Variants in UHRF2 observed in about 807,000 individuals in gnomAD.
UHRF2 encodes E3 ubiquitin-protein ligase UHRF2.
Under a neutral mutation model 96.8 loss-of-function variants are expected in UHRF2, and 23 were observed. The ratio of observed to expected loss-of-function variants is 0.24; its 90% CI spans 0.17 to 0.34. The LOEUF is 0.34. Ranked by LOEUF, UHRF2 falls within the 10% of genes least tolerant of loss-of-function variation. The pLI, the probability that UHRF2 is intolerant of heterozygous loss-of-function variation, is 1.00. For synonymous variants in UHRF2, 385 were observed against 332.6 expected (o/e 1.16, Z -1.72); for missense variants, 685 against 981.5 (o/e 0.70, Z 4.04).
intron 1 of UHRF2, among the ~76,000 whole-genome samples, chr9:6,419,808 A>G (rs1359098843): frequency 5.9e-5 from 9 of 152,030 alleles, no homozygotes; most frequent in South Asian, 2.1e-4. Context: ...TAGCATGATC[A>G]TGGCTTACTG....
At chr9:6,414,467 G>A (rs751504250) in intron 1 of UHRF2, among the ~76,000 whole-genome samples, 2 of 152,218 alleles carry the variant, frequency 1.3e-5, no homozygotes, top group Non-Finnish European at 2.9e-5. Context: ...CTTGAAGGCT[G>A]TCTGTGGGCA....
At chr9:6,469,733 C>T (rs559173740) in intron 4 of UHRF2, among the ~76,000 whole-genome samples, 7 of 146,528 alleles carry the variant, frequency 4.8e-5, no homozygotes, top group South Asian at 4.3e-4. Context: ...TGCATATATA[C>T]GTGTATATAT....
chr9:6,497,710 T>C (rs544930797), intron 11 of UHRF2, among the ~76,000 whole-genome samples: 1 of 152,290 alleles, frequency 6.6e-6, no homozygotes, highest in African/African-American at 2.4e-5. Context: ...CAGCACATCA[T>C]AGTAATAGAT....
intron 14 of UHRF2, among the ~76,000 whole-genome samples, chr9:6,501,492 CAG>C (rs1368812605): frequency 6.6e-6 from 1 of 152,186 alleles, no homozygotes; most frequent in African/African-American, 2.4e-5. Flanking sequence ...AAAAACTCTA[CAG>C]AGTTTCCTTT....
intron 8 of UHRF2, chr9:6,484,633 A>G (rs1824152814): frequency 6.9e-6 from 1 of 144,552 alleles, no homozygotes; most frequent in Admixed American, 6.9e-5. Flanking sequence ...ACTGATCTTG[A>G]ATCCCTGGGG....
chr9:6,499,532 C>G (rs1297392254), intron 12 of UHRF2: 2 of 178,726 alleles, frequency 1.1e-5, no homozygotes, highest in Non-Finnish European at 2.3e-5. Flanking sequence ...ATTCTACTTT[C>G]CTTAAACTTT....
intron 2 of UHRF2, among the ~76,000 whole-genome samples, chr9:6,426,484 C>T (rs994617122): frequency 6.6e-6 from 1 of 152,158 alleles, no homozygotes; most frequent in Non-Finnish European, 1.5e-5. Flanking sequence ...GCTGTTTAAT[C>T]TTAGTTGAAG....
chr9:6,441,423 A>G (rs1821154628), intron 3 of UHRF2, among the ~76,000 whole-genome samples: 1 of 151,952 alleles, frequency 6.6e-6, no homozygotes, highest in African/African-American at 2.4e-5. Context: ...AACAAAAGAA[A>G]TGCAAATTCC....
chr9:6,454,472 A>G (rs1332710237), intron 3 of UHRF2, among the ~76,000 whole-genome samples: 1 of 152,222 alleles, frequency 6.6e-6, no homozygotes, highest in Non-Finnish European at 1.5e-5. Flanking sequence ...CCAAAAGCTT[A>G]TCTTTGATTC....
chr9:6,498,264 C>T, intron 12 of UHRF2, 106 bp downstream of exon 12: 1 of 1,215,042 alleles, frequency 8.2e-7, no homozygotes. Context: ...GACTGGTGGA[C>T]TATAAGGGGT....
chr9:6,479,243 G>C (rs769999814), intron 6 of UHRF2, among the ~76,000 whole-genome samples: 1 of 152,098 alleles, frequency 6.6e-6, no homozygotes, highest in Non-Finnish European at 1.5e-5. Context: ...CTCCAGTCTA[G>C]CTTTCCTTCC....
At chr9:6,456,266 G>T (rs370818) in intron 3 of UHRF2, among the ~76,000 whole-genome samples, 113,208 of 152,014 alleles carry the variant, frequency 0.74, 42,375 homozygotes, top group East Asian at 0.86. Flanking sequence ...TGGTTTTGAT[G>T]TGCGTTTCTC....
intron 3 of UHRF2, among the ~76,000 whole-genome samples, chr9:6,455,822 A>G (rs932915749): frequency 7.2e-5 from 11 of 152,208 alleles, no homozygotes; most frequent in African/African-American, 2.6e-4. Flanking sequence ...TGTCTCCACA[A>G]AAAGTTTTAA....
At chr9:6,452,813 G>A (rs953379142) in intron 3 of UHRF2, among the ~76,000 whole-genome samples, 1 of 152,112 alleles carries the variant, frequency 6.6e-6, no homozygotes, top group Admixed American at 6.5e-5. Flanking sequence ...TTCAGTTTGG[G>A]GTGTAGATGG....
chr9:6,477,219 G>A (rs980642253), intron 5 of UHRF2, among the ~76,000 whole-genome samples: 27 of 149,428 alleles, frequency 1.8e-4, no homozygotes, highest in African/African-American at 5.4e-4. Flanking sequence ...GGGTGACAGA[G>A]TGAGACTCCA....
chr9:6,493,128 T>C (rs1011059926), intron 9 of UHRF2, among the ~76,000 whole-genome samples: 2 of 151,896 alleles, frequency 1.3e-5, no homozygotes, highest in African/African-American at 4.8e-5. Context: ...CAAAACCCCA[T>C]CTCTACTAAA....
chr9:6,444,373 G>A (rs957360238), intron 3 of UHRF2, among the ~76,000 whole-genome samples: 5 of 152,148 alleles, frequency 3.3e-5, no homozygotes, highest in South Asian at 4.1e-4. Flanking sequence ...TCATTTTCTC[G>A]TTGCTCATGT....
intron 9 of UHRF2, among the ~76,000 whole-genome samples, chr9:6,488,900 C>T (rs1824485431): frequency 6.6e-6 from 1 of 152,038 alleles, no homozygotes; most frequent in South Asian, 2.1e-4. Flanking sequence ...GCAACCTCTG[C>T]CTCCCAGGTT....
intron 3 of UHRF2, among the ~76,000 whole-genome samples, chr9:6,445,862 C>G (rs972905564): frequency 6.6e-6 from 1 of 151,872 alleles, no homozygotes; most frequent in African/African-American, 2.4e-5. Flanking sequence ...CTGGTCCTAG[C>G]TCTTTCTTCT....
Sources: allele counts gnomAD v4.1 joint callset (sites outside exome capture counted in the v4.1 genomes callset), GRCh38; gene constraint gnomAD v4.1.1; transcripts MANE v1.5; gene names NCBI Gene and HGNC (gene_info 2026-07-23, HGNC 2026-07-21).